GPR141: variants seen among roughly 807,000 people sequenced by gnomAD.
GPR141 encodes the protein G protein-coupled receptor 141.
Under a neutral mutation model 6.8 loss-of-function variants are expected in GPR141, and 6 were observed. That is an observed-to-expected ratio of 0.88 (90% CI 0.48 to 1.74). GPR141 has a LOEUF of 1.74. Ranked by LOEUF, GPR141 falls within the 40% of genes most tolerant of loss-of-function variation. The probability of loss-of-function intolerance (pLI) is 0.01; values close to 1 mark genes in which losing one functional copy is unlikely to be tolerated. For synonymous variants in GPR141, 140 were observed against 142.3 expected, an observed-to-expected ratio of 0.98 and a Z score of 0.11; for missense variants, 372 against 372.9, an observed-to-expected ratio of 1.00 and a Z score of 0.02.
At chr7:37,722,450 A>G (rs1176402010) in intron 2 of GPR141, among the ~76,000 whole-genome samples, 5 of 151,140 alleles carry the variant, frequency 3.3e-5, no homozygotes, top group South Asian at 2.1e-4. Context: ...AGCCGGGCAC[A>G]GTAGCTCACC....
intron 2 of GPR141, among the ~76,000 whole-genome samples, chr7:37,715,847 T>C (rs570996193): frequency 6.6e-6 from 1 of 152,276 alleles, no homozygotes; most frequent in African/African-American, 2.4e-5. Context: ...ATGCACACAT[T>C]CCACTACCTA....
chr7:37,698,342 TTTTA>T (rs1810119541), intron 2 of GPR141, among the ~76,000 whole-genome samples: 1 of 152,228 alleles, frequency 6.6e-6, no homozygotes. Flanking sequence ...ATGGTACAGT[TTTTA>T]GTTTTTATAA....
intron 2 of GPR141, among the ~76,000 whole-genome samples, chr7:37,705,242 A>C (rs1346808354): frequency 6.6e-6 from 1 of 150,646 alleles, no homozygotes; most frequent in Non-Finnish European, 1.5e-5. Flanking sequence ...TCAGATGGGC[A>C]GTCCACAATT....
intron 2 of GPR141, among the ~76,000 whole-genome samples, chr7:37,733,682 A>G (rs971302046): frequency 3.3e-5 from 5 of 151,372 alleles, no homozygotes; most frequent in Admixed American, 1.3e-4. Context: ...AAAAAAAAAA[A>G]AAAAAAGAAA....
chr7:37,739,037 T>C (rs184496008), intron 2 of GPR141, among the ~76,000 whole-genome samples: 3 of 152,344 alleles, frequency 2.0e-5, no homozygotes, highest in Non-Finnish European at 2.9e-5. Flanking sequence ...ACACCTGTGC[T>C]TTATACAGAG....
intron 2 of GPR141, among the ~76,000 whole-genome samples, chr7:37,702,769 A>T (rs189762033): frequency 0.012 from 1,722 of 145,022 alleles, 30 homozygotes; most frequent in Admixed American, 0.06. Flanking sequence ...TAAAAATAAA[A>T]AAATAAAAAA....
intron 2 of GPR141, among the ~76,000 whole-genome samples, chr7:37,711,023 G>C (rs1331746169): frequency 3.3e-5 from 5 of 152,226 alleles, no homozygotes; most frequent in Non-Finnish European, 1.5e-5. Context: ...AATAAAGCAA[G>C]TGGAGAGACT....
At chr7:37,688,626 C>T (rs1399121923) in intron 2 of GPR141, among the ~76,000 whole-genome samples, 1 of 152,184 alleles carries the variant, frequency 6.6e-6, no homozygotes, top group African/African-American at 2.4e-5. Flanking sequence ...CCTCTCTCCT[C>T]CTTGCCTTCA....
At chr7:37,736,411 T>C (rs1436599809) in intron 2 of GPR141, among the ~76,000 whole-genome samples, 2 of 151,452 alleles carry the variant, frequency 1.3e-5, no homozygotes, top group Non-Finnish European at 2.9e-5. Context: ...AAGCAATATT[T>C]GGCGGGGTAA....
intron 2 of GPR141, among the ~76,000 whole-genome samples, chr7:37,703,443 C>A (rs1173958805): frequency 6.6e-6 from 1 of 152,104 alleles, no homozygotes; most frequent in African/African-American, 2.4e-5. Flanking sequence ...CAGCTATTAT[C>A]TCTCAAAAAA....
At position 37,742,869 on chromosome 7, in the gene GPR141, T is replaced by C. The variant is rs1223514126; in HGVS notation, c.*1558T>C. On this transcript the variant is annotated 3_prime_UTR_variant, in exon 3 of 3. Coordinates refer to ENST00000334425, the MANE Select transcript of GPR141 (RefSeq NM_001381946.1). ...CTTAAAATAAAATTTAAAGTAATAA[T>C]AATAAAATAATATGGATTTTCTTTC... 2.6e-5 allele frequency among the ~76,000 whole-genome samples: 4 copies of C among 152,154 alleles called. No individual in the cohort carries two copies. Among genetic ancestry groups the C allele is most frequent in the Non-Finnish European group, 5.9e-5 (4 of 68,018 alleles).
At chr7:37,698,268 TG>T (rs1194920368) in intron 2 of GPR141, among the ~76,000 whole-genome samples, 1 of 152,158 alleles carries the variant, frequency 6.6e-6, no homozygotes, top group African/African-American at 2.4e-5. Flanking sequence ...AAAGTAATAA[TG>T]TGTGAAAAAT....
At position 37,740,374 on chromosome 7, in the gene GPR141, C is replaced by G; in HGVS notation, c.-14-6C>G. 1 of 1,554,256 alleles carries G rather than the reference C, an allele frequency of 6.4e-7. No individual in the cohort carries two copies. Among genetic ancestry groups the G allele is most frequent in the Non-Finnish European group, 8.8e-7 (1 of 1,142,840 alleles). The stretch of plus-strand genomic sequence containing the variant: ...GTCAGTTACTCTGGTGCTTTTTCTC[C>G]TCCAGGTGACTTCCCAAGTATGCCT... On this transcript the variant is annotated splice_region_variant and splice_polypyrimidine_tract_variant and intron_variant, in intron 2 of 2. Coordinates refer to ENST00000334425, the MANE Select transcript of GPR141 (RefSeq NM_001381946.1).
intron 2 of GPR141, among the ~76,000 whole-genome samples, chr7:37,736,397 G>A (rs138042118): frequency 6.6e-6 from 1 of 151,328 alleles, no homozygotes; most frequent in African/African-American, 2.4e-5. Context: ...AACAGATTGG[G>A]ACAAAGCAAT....
In GPR141 at chr7:37,741,395, C is replaced by A; in HGVS notation, c.*84C>A. Reference sequence around the variant, plus strand: ...GGGAGGTAAGAATGGTATTTCATTACTTGATCAAAACCATGCCTTGATGTA... The same window carrying A: ...GGGAGGTAAGAATGGTATTTCATTAATTGATCAAAACCATGCCTTGATGTA... On this transcript the variant is annotated 3_prime_UTR_variant, in exon 3 of 3. Transcript: ENST00000334425. 1 of 1,044,894 alleles carries A rather than the reference C, an allele frequency of 9.6e-7. No homozygotes were observed. Among genetic ancestry groups the A allele is most frequent in the South Asian group, 1.6e-5 (1 of 61,040 alleles). 64.7% of individuals were successfully genotyped at this position (1,044,894 alleles called of 1,614,324 possible).
At position 37,719,050 on chromosome 7, in the gene GPR141, G is replaced by A. The variant is rs114349506; in HGVS notation, c.-14-21330G>A. ...CTGTGCGTGAAGAGTTTCACCAGACGATTTCAGCTTTCTCCTGTGACCTGG... is the reference window on the plus strand; with the variant it reads ...CTGTGCGTGAAGAGTTTCACCAGACAATTTCAGCTTTCTCCTGTGACCTGG... On this transcript the variant is annotated intron_variant, in intron 2 of 2. Coordinates refer to ENST00000334425, the MANE Select transcript of GPR141 (RefSeq NM_001381946.1). Among the ~76,000 whole-genome samples, 329 of 152,314 alleles carry A rather than the reference G, an allele frequency of 2.2e-3. 2 individuals carry two copies. Among genetic ancestry groups the A allele is most frequent in the African/African-American group, 7.4e-3 (307 of 41,574 alleles).
intron 2 of GPR141, among the ~76,000 whole-genome samples, chr7:37,726,805 T>C (rs1811654946): frequency 6.6e-6 from 1 of 152,214 alleles, no homozygotes; most frequent in Non-Finnish European, 1.5e-5. Context: ...ACTGTGTTAA[T>C]ATTTGGCCAA....
rs1437570507 is a variant in GPR141, at chr7:37,740,979, C to T, written c.586C>T (p.Leu196=). ...VIFVIAVAVI[L]LVFQVFIIML... ...TTTTGTCATAGCCGTTGCTGTGATTCTGTTGGTCTTCCAGGTCTTCATCAT... is the reference window on the plus strand; with the variant it reads ...TTTTGTCATAGCCGTTGCTGTGATTTTGTTGGTCTTCCAGGTCTTCATCAT... The change falls in exon 3 of 3, where the codon CTG becomes TTG. Residue 196 remains leucine, a synonymous_variant. Transcript: ENST00000334425. The T allele has an allele frequency of 1.2e-6, 2 of 1,613,716 alleles. No individual in the cohort carries two copies. The highest frequency in any genetic ancestry group is 2.7e-5 in the African/African-American group (2 of 74,898).
intron 2 of GPR141, among the ~76,000 whole-genome samples, chr7:37,696,898 G>A (rs1810040712): frequency 6.6e-6 from 1 of 151,848 alleles, no homozygotes; most frequent in South Asian, 2.1e-4. Context: ...ACATATATAG[G>A]TTTTCTTAGT....
Sources: gnomAD v4.1 joint callset for allele counts (sites outside exome capture counted in the v4.1 genomes callset) on GRCh38, gnomAD v4.1.1 for gene constraint, MANE v1.5 for transcripts, NCBI Gene and HGNC (gene_info 2026-07-23, HGNC 2026-07-21) for gene names.